Variants in ETV6 observed in about 807,000 individuals in gnomAD.
ETV6 encodes transcription factor ETV6.
A neutral mutation model predicts 51.1 loss-of-function variants in ETV6; 16 were observed. The observed-to-expected ratio is 0.31, with a 90% CI of 0.21 to 0.48. The LOEUF is 0.48. ETV6 is among the 20% of genes least tolerant of loss of function. The pLI is 0.99. For missense variants in ETV6, 458 were observed against 594.8 expected (o/e 0.77, Z 2.39); for synonymous variants, 240 against 224.1 (o/e 1.07, Z -0.64).
intron 1 of ETV6, among the ~76,000 whole-genome samples, chr12:11,696,451 G>A (rs1335779003): frequency 6.6e-6 from 1 of 152,198 alleles, no homozygotes; most frequent in African/African-American, 2.4e-5. Flanking sequence ...ACTTCATGGA[G>A]TTGCAATAAA....
At chr12:11,667,450 C>G (rs1242962069) in intron 1 of ETV6, among the ~76,000 whole-genome samples, 1 of 152,138 alleles carries the variant, frequency 6.6e-6, no homozygotes, top group African/African-American at 2.4e-5. Flanking sequence ...ACAATCTAAT[C>G]TGGAGACTAT....
At chr12:11,866,478 A>T (rs972297098) in intron 4 of ETV6, among the ~76,000 whole-genome samples, 1 of 152,216 alleles carries the variant, frequency 6.6e-6, no homozygotes, top group Non-Finnish European at 1.5e-5. Context: ...ATTCCACTGA[A>T]GAGTATTGAC....
intron 1 of ETV6, among the ~76,000 whole-genome samples, chr12:11,718,296 C>G (rs939654456): frequency 6.6e-6 from 1 of 152,134 alleles, no homozygotes; most frequent in Non-Finnish European, 1.5e-5. Flanking sequence ...TGACCACACC[C>G]CATTTCTTTT....
chr12:11,753,101 T>C (rs944702948), intron 2 of ETV6, among the ~76,000 whole-genome samples: 2 of 152,016 alleles, frequency 1.3e-5, no homozygotes, highest in African/African-American at 2.4e-5. Flanking sequence ...AGGTCCTCTC[T>C]CTTGCCTCCT....
chr12:11,833,854 T>G (rs1164497449), intron 2 of ETV6, among the ~76,000 whole-genome samples: 3 of 152,190 alleles, frequency 2.0e-5, no homozygotes, highest in African/African-American at 7.2e-5. Flanking sequence ...ACCACCTGGA[T>G]CTCTGTCATG....
chr12:11,879,997 C>T (rs1000645372), intron 5 of ETV6, among the ~76,000 whole-genome samples: 1 of 51,154 alleles, frequency 2.0e-5, no homozygotes, highest in Non-Finnish European at 4.2e-5. Context: ...ATCTTAGAAA[C>T]AAAAATAACT....
In ETV6 at chr12:11,883,276, C is replaced by CTTTTTTTTTTT. The variant is rs547786286; in HGVS notation, c.1010-1144_1010-1134dup. Among the ~76,000 whole-genome samples, 24 of 79,100 alleles carry CTTTTTTTTTTT rather than the reference C, an allele frequency of 3.0e-4. 3 individuals are homozygous for CTTTTTTTTTTT. Among genetic ancestry groups the CTTTTTTTTTTT allele is most frequent in the Admixed American group, 9.4e-4 (6 of 6,396 alleles). 51.9% of individuals were successfully genotyped at this position (79,100 alleles called of 152,430 possible). A position where few individuals can be genotyped will look rare whatever the true frequency, so the allele number is the denominator to read the frequency against. ...GGGAAGGTGTACATCATGTCTTCTT[C>CTTTTTTTTTTT]TTTTTTTTTTTTTTTTTTTTTTTTT... On this transcript the variant is annotated intron_variant, in intron 5 of 7. Transcript: ENST00000396373.
At chr12:11,714,526 A>G (rs1277805713) in intron 1 of ETV6, among the ~76,000 whole-genome samples, 1 of 152,150 alleles carries the variant, frequency 6.6e-6, no homozygotes, top group African/African-American at 2.4e-5. Context: ...TTTATGAACT[A>G]CCTACTACAT....
At chr12:11,710,548 G>A (rs1261777013) in intron 1 of ETV6, among the ~76,000 whole-genome samples, 3 of 152,164 alleles carry the variant, frequency 2.0e-5, no homozygotes, top group Non-Finnish European at 2.9e-5. Context: ...CTGGTAGTCC[G>A]ACTTTAGAGC....
intron 1 of ETV6, among the ~76,000 whole-genome samples, chr12:11,681,053 T>A (rs1864519946): frequency 6.6e-6 from 1 of 152,196 alleles, no homozygotes. Context: ...CCATTTTCTA[T>A]GGAAGCCTCC....
Position 11,852,127 on chromosome 12 carries a change from C to T in ETV6, c.329-1300C>T, listed in dbSNP as rs116128386. Reference sequence around the variant, plus strand: ...TATTGTAAAGATTTATCACCCACCCCCAAAGGGTTTTGAGGCACCCACCTG... The same window carrying T: ...TATTGTAAAGATTTATCACCCACCCTCAAAGGGTTTTGAGGCACCCACCTG... On this transcript the variant is annotated intron_variant, in intron 3 of 7. Coordinates refer to ENST00000396373, the MANE Select transcript of ETV6 (RefSeq NM_001987.5). Among the ~76,000 whole-genome samples the T allele has an allele frequency of 9.4e-3, 1,426 of 152,292 alleles. 18 individuals carry two copies. The highest frequency in any genetic ancestry group is 0.031 in the African/African-American group (1,308 of 41,556).
At chr12:11,884,632 GA>G in intron 6 of ETV6, 45 bp downstream of exon 6, 1 of 1,609,666 alleles carries the variant, frequency 6.2e-7, no homozygotes, top group Non-Finnish European at 8.5e-7. Flanking sequence ...GTGCCAAAAT[GA>G]AGTCCTTATC....
chr12:11,701,708 C>T (rs561332899), intron 1 of ETV6, among the ~76,000 whole-genome samples: 11 of 152,250 alleles, frequency 7.2e-5, no homozygotes, highest in East Asian at 1.9e-4. Context: ...AGGGAGTACA[C>T]GGTCTTGTAG....
intron 2 of ETV6, among the ~76,000 whole-genome samples, chr12:11,820,008 GC>G (rs1487831205): frequency 6.6e-6 from 1 of 152,220 alleles, no homozygotes; most frequent in Non-Finnish European, 1.5e-5. Flanking sequence ...CCTAATAATA[GC>G]TAACACTTAT....
intron 2 of ETV6, among the ~76,000 whole-genome samples, chr12:11,765,873 G>A (rs1337427236): frequency 6.6e-6 from 1 of 152,180 alleles, no homozygotes; most frequent in East Asian, 1.9e-4. Context: ...TGAGACTGAG[G>A]GGGAAACGAG....
chr12:11,846,760 CTG>C (rs1946472161), intron 3 of ETV6, among the ~76,000 whole-genome samples: 1 of 152,220 alleles, frequency 6.6e-6, no homozygotes, highest in Non-Finnish European at 1.5e-5. Flanking sequence ...CACTCACTCA[CTG>C]ATTATTTTTT....
At chr12:11,870,218 A>G (rs1946859916) in intron 5 of ETV6, among the ~76,000 whole-genome samples, 1 of 152,122 alleles carries the variant, frequency 6.6e-6, no homozygotes, top group Non-Finnish European at 1.5e-5. Flanking sequence ...TCCAGCTTAC[A>G]AGGAGAGTCA....
chr12:11,704,743 A>G (rs992919690), intron 1 of ETV6, among the ~76,000 whole-genome samples: 2 of 152,174 alleles, frequency 1.3e-5, no homozygotes, highest in Non-Finnish European at 2.9e-5. Context: ...ATGGGTTGCT[A>G]TAGTGAGGTA....
At chr12:11,853,639 G>T in intron 4 of ETV6, 78 bp downstream of exon 4, 2 of 1,520,380 alleles carry the variant, frequency 1.3e-6, no homozygotes, top group Middle Eastern at 1.7e-4. Flanking sequence ...TGATAAGCTG[G>T]TCTTCTTCGT....
Sources: allele counts gnomAD v4.1 joint callset (sites outside exome capture counted in the v4.1 genomes callset), GRCh38; gene constraint gnomAD v4.1.1; transcripts MANE v1.5; gene names NCBI Gene and HGNC (gene_info 2026-07-23, HGNC 2026-07-21).